The following ATP10B variants were observed in gnomAD, a reference collection of about 807,000 sequenced individuals.
ATP10B encodes phospholipid-transporting ATPase VB.
In ATP10B, 122 loss-of-function variants were observed where a neutral mutation model predicts 141.2. The observed-to-expected ratio is 0.86, with a 90% CI of 0.75 to 1.00. The LOEUF is 1.00. Ranked by LOEUF, ATP10B falls within the 50% of genes least tolerant of loss-of-function variation. The pLI, the probability that ATP10B is intolerant of heterozygous loss-of-function variation, is 0.00. For synonymous variants in ATP10B, 685 were observed against 692.0 expected (o/e 0.99, Z 0.16); for missense variants, 1,876 against 1,825.3 (o/e 1.03, Z -0.51).
chr5:160,687,717 A>C, intron 5 of ATP10B, 83 bp downstream of exon 5: 1 of 1,471,136 alleles, frequency 6.8e-7, no homozygotes, highest in Non-Finnish European at 9.3e-7. Flanking sequence ...GTGAGCCGAG[A>C]TTGCACGACT....
rs567834754 is a variant in ATP10B, at chr5:160,657,022, G to T, written c.676-7766C>A. 4.6e-5 allele frequency among the ~76,000 whole-genome samples: 7 copies of T among 152,282 alleles called. No individual in the cohort carries two copies. In the East Asian group the frequency reaches 9.6e-4, roughly 21 times the overall value. On this transcript the variant is annotated intron_variant, in intron 7 of 25. Coordinates refer to ENST00000327245, the MANE Select transcript of ATP10B (RefSeq NM_025153.3). ...CCAAGGAGAGCCACCACAACCTGGGGATAAGGATAGCAAAATGGCGGCACT... is the reference window on the plus strand; with the variant it reads ...CCAAGGAGAGCCACCACAACCTGGGTATAAGGATAGCAAAATGGCGGCACT...
In ATP10B at chr5:160,768,247, T is replaced by C. The variant is rs555030231; in HGVS notation, c.-331+17312A>G. Among the ~76,000 whole-genome samples, 293 of 152,324 alleles carry C rather than the reference T, an allele frequency of 1.9e-3. 1 individual carries two copies. The highest frequency in any genetic ancestry group is 5.4e-3 in the South Asian group (26 of 4,824). ...CGCCTATTGCTTCTTTTAATCTTTA[T>C]TATTTCTAGAAGTCACGTGGCATCC... On this transcript the variant is annotated intron_variant, in intron 2 of 25. Transcript: ENST00000327245.
intron 1 of ATP10B, among the ~76,000 whole-genome samples, chr5:160,809,149 G>T: frequency 6.6e-6 from 1 of 152,262 alleles, no homozygotes; most frequent in South Asian, 2.1e-4. Flanking sequence ...AGGCTACATA[G>T]TAAAAATTTT....
rs1757152747 is a variant in ATP10B at position 160,602,564 on chromosome 5, A to G, written c.3363+13T>C. 1 of 1,613,552 alleles carries G rather than the reference A, an allele frequency of 6.2e-7. No individual in the cohort carries two copies. The highest frequency in any genetic ancestry group is 8.5e-7 in the Non-Finnish European group (1 of 1,179,618). On this transcript the variant is annotated intron_variant, in intron 21 of 25. Transcript: ENST00000327245. ...CCAAAGCCCTGGGTGAGAGGACGCCATAGGCTACTTACCACGTTCTTGTAG... is the reference window on the plus strand; with the variant it reads ...CCAAAGCCCTGGGTGAGAGGACGCCGTAGGCTACTTACCACGTTCTTGTAG...
intron 6 of ATP10B, among the ~76,000 whole-genome samples, chr5:160,672,770 C>T: frequency 6.6e-6 from 1 of 152,212 alleles, no homozygotes; most frequent in East Asian, 1.9e-4. Context: ...TCTACTCTTC[C>T]ACAGAGAAAG....
At chr5:160,922,124 T>C in the ATP10B span, among the ~76,000 whole-genome samples, 2 of 152,170 alleles carry the variant, frequency 1.3e-5, no homozygotes, top group Non-Finnish European at 2.9e-5. Context: ...AGGATCAGCA[T>C]CTGACTCATA....
At chr5:160,611,677 A>G (rs1266102722) in intron 18 of ATP10B, 1 of 152,258 alleles carries the variant, frequency 6.6e-6, no homozygotes, top group Non-Finnish European at 1.5e-5. Context: ...AAAATGAAAT[A>G]TAAACCTCCC....
At chr5:160,611,375 G>A (rs1757712376) in intron 18 of ATP10B, among the ~76,000 whole-genome samples, 1 of 152,142 alleles carries the variant, frequency 6.6e-6, no homozygotes, top group Non-Finnish European at 1.5e-5. Context: ...TACCTGGAGT[G>A]AAAGAATCAT....
chr5:160,879,555 C>T, the ATP10B span, among the ~76,000 whole-genome samples: 41 of 149,250 alleles, frequency 2.7e-4, no homozygotes, highest in African/African-American at 8.8e-4. Flanking sequence ...AAAAAAAAAC[C>T]ACGGCCAGGC....
At chr5:160,909,259 A>G in the ATP10B span, among the ~76,000 whole-genome samples, 1 of 152,188 alleles carries the variant, frequency 6.6e-6, no homozygotes, top group East Asian at 1.9e-4. Context: ...TCAAAACGTG[A>G]TGGAAGGTAA....
At chr5:160,569,389 T>C (rs1754735950) in intron 25 of ATP10B, 107 bp downstream of exon 25, 5 of 1,090,224 alleles carry the variant, frequency 4.6e-6, no homozygotes, top group Admixed American at 2.3e-5. Context: ...AACATTAGCC[T>C]CAAGGATGCC....
At chr5:160,881,914 C>T in the ATP10B span, among the ~76,000 whole-genome samples, 2 of 152,048 alleles carry the variant, frequency 1.3e-5, no homozygotes, top group Admixed American at 6.5e-5. Context: ...GGTACATGTA[C>T]ACAATGAAAT....
At chr5:160,609,799 G>A (rs1757609683) in intron 18 of ATP10B, among the ~76,000 whole-genome samples, 1 of 152,216 alleles carries the variant, frequency 6.6e-6, no homozygotes, top group Non-Finnish European at 1.5e-5. Flanking sequence ...CGGGCCACAG[G>A]AAGCAGTTCT....
chr5:160,686,554 A>T (rs553941272), intron 5 of ATP10B, among the ~76,000 whole-genome samples: 4 of 152,220 alleles, frequency 2.6e-5, no homozygotes, highest in African/African-American at 7.2e-5. Flanking sequence ...CTCTGCACCC[A>T]ATTTGTAGTC....
intron 22 of ATP10B, among the ~76,000 whole-genome samples, chr5:160,592,425 T>C (rs1004100602): frequency 1.3e-5 from 2 of 152,158 alleles, no homozygotes; most frequent in South Asian, 2.1e-4. Flanking sequence ...TAAGAAATAA[T>C]TGGGGCAGCC....
chr5:160,818,673 C>A (rs1260272306), intron 1 of ATP10B, among the ~76,000 whole-genome samples: 7 of 152,206 alleles, frequency 4.6e-5, no homozygotes, highest in Non-Finnish European at 8.8e-5. Context: ...GATTATAAAT[C>A]ATGCTGCTAT....
intron 15 of ATP10B, 62 bp from the exon 16 acceptor site, chr5:160,618,035 A>C: frequency 7.9e-7 from 1 of 1,258,370 alleles, no homozygotes; most frequent in South Asian, 1.2e-5. Flanking sequence ...CCCCATCCCC[A>C]ATACCCTGGA....
the ATP10B span, among the ~76,000 whole-genome samples, chr5:160,918,395 T>A: frequency 6.6e-6 from 1 of 152,098 alleles, no homozygotes; most frequent in Non-Finnish European, 1.5e-5. Context: ...ATCACAGAAT[T>A]TATCTGAGCT....
At chr5:160,618,123 T>C in intron 15 of ATP10B, 150 bp from the exon 16 acceptor site, 1 of 664,438 alleles carries the variant, frequency 1.5e-6, no homozygotes, top group Non-Finnish European at 2.7e-6. Flanking sequence ...GGAGCTCTCC[T>C]GGCTGTCAGG....
Sources: gnomAD v4.1 joint callset for allele counts (sites outside exome capture counted in the v4.1 genomes callset) on GRCh38, gnomAD v4.1.1 for gene constraint, MANE v1.5 for transcripts, NCBI Gene and HGNC (gene_info 2026-07-23, HGNC 2026-07-21) for gene names.